The following TBC1D14 variants were observed in gnomAD, a reference collection of about 807,000 sequenced individuals.
TBC1D14 encodes the protein TBC1 domain family member 14, also known as TBC1 domain family, member 14.
In TBC1D14, 26 loss-of-function variants were observed where a neutral mutation model predicts 79.0. The ratio of observed to expected loss-of-function variants is 0.33; its 90% CI spans 0.24 to 0.46. The LOEUF (loss-of-function observed/expected upper bound fraction) is 0.46, where lower values mean the gene tolerates loss of function less well. Ranked by LOEUF, TBC1D14 falls within the 20% of genes least tolerant of loss-of-function variation. The pLI is 1.00. For missense variants in TBC1D14, 769 were observed against 887.6 expected, an observed-to-expected ratio of 0.87 and a Z score of 1.70; for synonymous variants, 394 against 349.9, an observed-to-expected ratio of 1.13 and a Z score of -1.40.
chr4:6,945,749 C>CAAAAAAAAAAAAAAAAAAAAA (rs71173472), intron 2 of TBC1D14, among the ~76,000 whole-genome samples: 1 of 64,132 alleles, frequency 1.6e-5, no homozygotes. Context: ...AACTGCGTCT[C>CAAAAAAAAAAAAAAAAAAAAA]AAAAAAAAAA....
chr4:6,974,881 T>C (rs1716574869), intron 3 of TBC1D14, among the ~76,000 whole-genome samples: 1 of 152,126 alleles, frequency 6.6e-6, no homozygotes, highest in Non-Finnish European at 1.5e-5. Context: ...TCTTTTTTTG[T>C]GTGTCTGTTT....
chr4:6,989,312 A>G (rs1718243021), intron 3 of TBC1D14, among the ~76,000 whole-genome samples: 1 of 152,056 alleles, frequency 6.6e-6, no homozygotes, highest in Non-Finnish European at 1.5e-5. Flanking sequence ...ACCTCTGGGT[A>G]ACGTGTTGAG....
At chr4:7,028,937 A>G (rs985832257) in intron 13 of TBC1D14, among the ~76,000 whole-genome samples, 1 of 152,068 alleles carries the variant, frequency 6.6e-6, no homozygotes, top group Non-Finnish European at 1.5e-5. Flanking sequence ...TCCGGGGCTC[A>G]AGCAATTCTT....
intron 7 of TBC1D14, among the ~76,000 whole-genome samples, chr4:7,001,729 T>C (rs1418159039): frequency 6.6e-6 from 1 of 152,124 alleles, no homozygotes; most frequent in African/African-American, 2.4e-5. Context: ...GTGAGAACCA[T>C]GCTCACCGAT....
chr4:6,935,746 C>T (rs1009578188), intron 2 of TBC1D14, among the ~76,000 whole-genome samples: 4 of 151,726 alleles, frequency 2.6e-5, no homozygotes, highest in East Asian at 1.9e-4. Flanking sequence ...CAGGTTCGAG[C>T]GATTCTCCTG....
At chr4:6,960,533 C>G (rs1715094274) in intron 2 of TBC1D14, among the ~76,000 whole-genome samples, 1 of 152,142 alleles carries the variant, frequency 6.6e-6, no homozygotes, top group Admixed American at 6.5e-5. Flanking sequence ...GATTATGTAC[C>G]TTGCTTTTTT....
chr4:6,923,141 G>C (rs1226074191), intron 1 of TBC1D14, among the ~76,000 whole-genome samples: 1 of 152,236 alleles, frequency 6.6e-6, no homozygotes, highest in Non-Finnish European at 1.5e-5. Flanking sequence ...GCAGAGGTTT[G>C]CAGTAAGCCC....
chr4:7,019,300 G>A (rs1577182350), intron 12 of TBC1D14, among the ~76,000 whole-genome samples: 1 of 152,186 alleles, frequency 6.6e-6, no homozygotes, highest in Non-Finnish European at 1.5e-5. Context: ...GATTACAGAC[G>A]TGAGCAACCG....
At chr4:6,919,809 G>C (rs547334884) in intron 1 of TBC1D14, among the ~76,000 whole-genome samples, 10 of 150,996 alleles carry the variant, frequency 6.6e-5, no homozygotes, top group Non-Finnish European at 1.3e-4. Context: ...TTAGTAGAGA[G>C]GGGGTTTCAC....
intron 3 of TBC1D14, among the ~76,000 whole-genome samples, chr4:6,969,529 C>T (rs1018611786): frequency 3.3e-4 from 50 of 152,138 alleles, no homozygotes; most frequent in African/African-American, 1.2e-3. Context: ...CCTCAGCCTC[C>T]CCAGTAGCTG....
At chr4:6,958,374 T>TACACACACACAC (rs529020444) in intron 2 of TBC1D14, among the ~76,000 whole-genome samples, 36 of 42,296 alleles carry the variant, frequency 8.5e-4, no homozygotes, top group African/African-American at 3.9e-3. Flanking sequence ...GATCCCCACA[T>TACACACACACAC]ATACACACAC....
intron 12 of TBC1D14, among the ~76,000 whole-genome samples, chr4:7,020,853 A>C (rs546110996): frequency 1.3e-5 from 2 of 152,334 alleles, no homozygotes; most frequent in African/African-American, 4.8e-5. Context: ...GGCACATGCC[A>C]CCATGCCCAG....
chr4:7,023,837 C>T (rs755305681), intron 12 of TBC1D14, among the ~76,000 whole-genome samples: 4 of 152,248 alleles, frequency 2.6e-5, no homozygotes, highest in South Asian at 2.1e-4. Context: ...TAGCACACAG[C>T]GCCCGGTGTG....
At chr4:7,026,758 A>G (rs762142982) in intron 13 of TBC1D14, among the ~76,000 whole-genome samples, 1 of 152,110 alleles carries the variant, frequency 6.6e-6, no homozygotes, top group African/African-American at 2.4e-5. Context: ...TTAGCTGGGC[A>G]TGGTGACGTA....
intron 13 of TBC1D14, among the ~76,000 whole-genome samples, chr4:7,027,750 TACAC>T (rs1199398597): frequency 1.6e-5 from 1 of 64,396 alleles, no homozygotes; most frequent in East Asian, 5.3e-4. Flanking sequence ...CACACCCACA[TACAC>T]AATCACCCCA....
intron 3 of TBC1D14, among the ~76,000 whole-genome samples, chr4:6,977,148 C>T (rs1716815706): frequency 1.6e-5 from 1 of 64,136 alleles, no homozygotes; most frequent in Admixed American, 1.9e-4. Context: ...CCCTCTCTTT[C>T]CACGGTCTCC....
In TBC1D14 at chr4:7,023,012, T is replaced by G. The variant is rs547189182; in HGVS notation, c.1758-1992T>G. Reference sequence around the variant, plus strand: ...GGCTCACGCCTGTAATCCCAGCACTTTGGTAGGCTAAGGTAGGTGAATCAC... The same window carrying G: ...GGCTCACGCCTGTAATCCCAGCACTGTGGTAGGCTAAGGTAGGTGAATCAC... On this transcript the variant is annotated intron_variant, in intron 12 of 13. Coordinates refer to ENST00000409757, the MANE Select transcript of TBC1D14 (RefSeq NM_020773.3). 1.2e-4 allele frequency among the ~76,000 whole-genome samples: 19 copies of G among 152,262 alleles called. No homozygotes were observed. The South Asian group carries it at 3.9e-3, about 32-fold the overall frequency.
chr4:6,998,358 TAA>T (rs538598541), intron 5 of TBC1D14, among the ~76,000 whole-genome samples: 114 of 117,500 alleles, frequency 9.7e-4, no homozygotes, highest in African/African-American at 1.5e-3. Context: ...AAACTCCGTC[TAA>T]AAAAAAAAAA....
At chr4:6,953,499 C>T (rs1322588470) in intron 2 of TBC1D14, among the ~76,000 whole-genome samples, 4 of 143,348 alleles carry the variant, frequency 2.8e-5, no homozygotes, top group Non-Finnish European at 6.1e-5. Flanking sequence ...GGCGAGGTGG[C>T]GGGCGCCTGT....
Sources: allele counts gnomAD v4.1 joint callset (sites outside exome capture counted in the v4.1 genomes callset), GRCh38; gene constraint gnomAD v4.1.1; transcripts MANE v1.5; gene names NCBI Gene and HGNC (gene_info 2026-07-23, HGNC 2026-07-21).